Variants in JARID2 observed in about 807,000 individuals in gnomAD.
JARID2 encodes jumonji and AT-rich interaction domain containing 2.
A neutral mutation model predicts 125.6 loss-of-function variants in JARID2; 21 were observed. That is an observed-to-expected ratio of 0.17 (90% CI 0.12 to 0.24). The LOEUF is 0.24. Ranked by LOEUF, JARID2 falls within the 10% of genes least tolerant of loss-of-function variation. The pLI, the probability that JARID2 is intolerant of heterozygous loss-of-function variation, is 1.00. For synonymous variants in JARID2, 736 were observed against 661.6 expected (o/e 1.11, Z -1.73); for missense variants, 1,303 against 1,639.6 (o/e 0.79, Z 3.55).
chr6:15,261,928 G>A (rs765448907), intron 1 of JARID2, among the ~76,000 whole-genome samples: 1 of 151,876 alleles, frequency 6.6e-6, no homozygotes, highest in African/African-American at 2.4e-5. Flanking sequence ...CTACAGGCGC[G>A]CGCCACCATG....
At chr6:15,504,693 G>T (rs532097239) in intron 9 of JARID2, 101 bp downstream of exon 9, 57 of 753,322 alleles carry the variant, frequency 7.6e-5, no homozygotes, top group Admixed American at 3.8e-4. Flanking sequence ...CTCGGTGAAC[G>T]GAAAGGACTC....
intron 1 of JARID2, among the ~76,000 whole-genome samples, chr6:15,252,054 T>C (rs1759476792): frequency 6.6e-6 from 1 of 152,034 alleles, no homozygotes; most frequent in Non-Finnish European, 1.5e-5. Context: ...CAAAAAAAAA[T>C]GTGGGCCAGA....
chr6:15,394,655 T>C (rs151024628), intron 2 of JARID2, among the ~76,000 whole-genome samples: 2 of 152,348 alleles, frequency 1.3e-5, no homozygotes, highest in East Asian at 3.9e-4. Flanking sequence ...ACCTGACAGT[T>C]TGGTAAATGT....
At chr6:15,358,397 C>T (rs1039776852) in intron 1 of JARID2, among the ~76,000 whole-genome samples, 1 of 152,124 alleles carries the variant, frequency 6.6e-6, no homozygotes, top group Non-Finnish European at 1.5e-5. Context: ...AATGAAGAAT[C>T]ACAACAGAGT....
chr6:15,455,739 GCTGATCTCGAACTC>G (rs1768140002), intron 4 of JARID2, among the ~76,000 whole-genome samples: 1 of 152,114 alleles, frequency 6.6e-6, no homozygotes, highest in African/African-American at 2.4e-5. Flanking sequence ...ACCATGTTAG[GCTGATCTCGAACTC>G]CTGACCTCAG....
intron 6 of JARID2, among the ~76,000 whole-genome samples, chr6:15,491,959 T>C (rs1312278116): frequency 1.3e-5 from 2 of 152,258 alleles, no homozygotes; most frequent in Non-Finnish European, 1.5e-5. Flanking sequence ...GCAAGAAGAA[T>C]GAGGTATTGT....
intron 2 of JARID2, among the ~76,000 whole-genome samples, chr6:15,398,099 C>T (rs917463250): frequency 2.6e-5 from 4 of 152,194 alleles, no homozygotes; most frequent in South Asian, 4.1e-4. Flanking sequence ...TAATCAAATG[C>T]AGTGAAACAA....
At chr6:15,316,993 G>T (rs1762200101) in intron 1 of JARID2, among the ~76,000 whole-genome samples, 1 of 152,136 alleles carries the variant, frequency 6.6e-6, no homozygotes, top group Non-Finnish European at 1.5e-5. Flanking sequence ...GTTGCTGTGG[G>T]GTTTCAATGA....
intron 1 of JARID2, among the ~76,000 whole-genome samples, chr6:15,308,587 C>T (rs965177334): frequency 2.0e-5 from 3 of 152,116 alleles, no homozygotes; most frequent in Admixed American, 1.3e-4. Flanking sequence ...TACTGAATAC[C>T]TTCCTTCCTT....
intron 5 of JARID2, among the ~76,000 whole-genome samples, chr6:15,472,458 C>T (rs1162077741): frequency 1.3e-5 from 2 of 152,176 alleles, no homozygotes; most frequent in Non-Finnish European, 2.9e-5. Context: ...CCCTGAGCAG[C>T]TGGCTTATAA....
chr6:15,395,492 C>G (rs1368854157), intron 2 of JARID2, among the ~76,000 whole-genome samples: 1 of 152,144 alleles, frequency 6.6e-6, no homozygotes, highest in Non-Finnish European at 1.5e-5. Context: ...GTCTCGATCT[C>G]CTGACCTTGT....
chr6:15,257,991 T>C (rs540770363), intron 1 of JARID2, among the ~76,000 whole-genome samples: 1 of 152,292 alleles, frequency 6.6e-6, no homozygotes, highest in South Asian at 2.1e-4. Flanking sequence ...AATTGTACAA[T>C]GATGTTCTTA....
chr6:15,308,487 C>A (rs995548598), intron 1 of JARID2, among the ~76,000 whole-genome samples: 1 of 152,140 alleles, frequency 6.6e-6, no homozygotes, highest in South Asian at 2.1e-4. Context: ...TCCCTTACTT[C>A]CCTTTAAAAT....
rs541193816 is a variant in JARID2, at chr6:15,272,755, C to G, written c.45+26171C>G. Among the ~76,000 whole-genome samples, 80 of 152,312 alleles carry G rather than the reference C, an allele frequency of 5.3e-4. 1 individual carries two copies. Among genetic ancestry groups the G allele is most frequent in the African/African-American group, 1.8e-3 (76 of 41,564 alleles). On this transcript the variant is annotated intron_variant, in intron 1 of 17. Coordinates refer to ENST00000341776, the MANE Select transcript of JARID2 (RefSeq NM_004973.4). ...GTTTGAAGCCTGCCTCTGTCACAATCTCTGTGCCTCAGTTTTCTTATCTGT... is the reference window on the plus strand; with the variant it reads ...GTTTGAAGCCTGCCTCTGTCACAATGTCTGTGCCTCAGTTTTCTTATCTGT...
At chr6:15,329,998 C>G (rs535530443) in intron 1 of JARID2, among the ~76,000 whole-genome samples, 1 of 152,284 alleles carries the variant, frequency 6.6e-6, no homozygotes, top group Non-Finnish European at 1.5e-5. Flanking sequence ...TGGGTTTTTA[C>G]TGTGATTAAA....
At chr6:15,400,270 G>A (rs1054981993) in intron 2 of JARID2, among the ~76,000 whole-genome samples, 2 of 152,084 alleles carry the variant, frequency 1.3e-5, no homozygotes, top group East Asian at 1.9e-4. Flanking sequence ...ATGAGGCTCC[G>A]TGGAAGCTGG....
chr6:15,418,493 A>G (rs1766337509), intron 3 of JARID2, among the ~76,000 whole-genome samples: 1 of 152,202 alleles, frequency 6.6e-6, no homozygotes, highest in African/African-American at 2.4e-5. Flanking sequence ...GATTACAGGC[A>G]TATGAGCCAC....
chr6:15,357,598 T>A (rs911475328), intron 1 of JARID2, among the ~76,000 whole-genome samples: 6 of 151,514 alleles, frequency 4.0e-5, no homozygotes, highest in Non-Finnish European at 8.8e-5. Flanking sequence ...ATTTATTGAT[T>A]TTTTTTTTAA....
intron 1 of JARID2, among the ~76,000 whole-genome samples, chr6:15,265,795 G>A (rs1176422598): frequency 6.6e-6 from 1 of 152,108 alleles, no homozygotes; most frequent in Non-Finnish European, 1.5e-5. Flanking sequence ...TCTGGGACCA[G>A]CATCATGGTC....
Sources: allele counts gnomAD v4.1 joint callset (sites outside exome capture counted in the v4.1 genomes callset), GRCh38; gene constraint gnomAD v4.1.1; transcripts MANE v1.5; gene names NCBI Gene and HGNC (gene_info 2026-07-23, HGNC 2026-07-21).